MRTFB: variants seen among roughly 807,000 people sequenced by gnomAD.
MRTFB encodes myocardin-related transcription factor B.
A neutral mutation model predicts 104.2 loss-of-function variants in MRTFB; 29 were observed. The ratio of observed to expected loss-of-function variants is 0.28; its 90% CI spans 0.21 to 0.38. MRTFB has a LOEUF of 0.38. MRTFB is among the 10% of genes least tolerant of loss of function. MRTFB has a pLI of 1.00. For synonymous variants in MRTFB, 535 were observed against 519.5 expected (o/e 1.03, Z -0.41); for missense variants, 1,270 against 1,341.6 (o/e 0.95, Z 0.83).
At chr16:14,044,150 TC>T in the MRTFB span, among the ~76,000 whole-genome samples, 1 of 151,716 alleles carries the variant, frequency 6.6e-6, no homozygotes, top group African/African-American at 2.4e-5. Context: ...ATTCATTCAG[TC>T]AGTCAGTCAG....
At chr16:14,073,368 G>A (rs902724815) in intron 1 of MRTFB, among the ~76,000 whole-genome samples, 3 of 152,160 alleles carry the variant, frequency 2.0e-5, no homozygotes, top group Non-Finnish European at 2.9e-5. Flanking sequence ...TTCCTTGGGG[G>A]CAGTTCCAGC....
At chr16:14,041,375 A>T in the MRTFB span, among the ~76,000 whole-genome samples, 1 of 152,166 alleles carries the variant, frequency 6.6e-6, no homozygotes, top group African/African-American at 2.4e-5. Flanking sequence ...GGCAACCGCA[A>T]TTATTTCTGT....
chr16:14,234,347 G>C (rs1380224948), intron 9 of MRTFB, 64 bp downstream of exon 9: 13 of 1,525,564 alleles, frequency 8.5e-6, no homozygotes, highest in Non-Finnish European at 1.2e-5. Flanking sequence ...ATAACCCTGT[G>C]AATGGAAGAC....
chr16:14,042,589 G>A, the MRTFB span, among the ~76,000 whole-genome samples: 2 of 152,194 alleles, frequency 1.3e-5, no homozygotes, highest in African/African-American at 4.8e-5. Flanking sequence ...GGGCTCATCA[G>A]TGAATGAGCT....
chr16:14,057,159 G>T, the MRTFB span, among the ~76,000 whole-genome samples: 1 of 152,136 alleles, frequency 6.6e-6, no homozygotes, highest in African/African-American at 2.4e-5. Context: ...GGTGCAAGAG[G>T]GTCGGCCTGG....
intron 2 of MRTFB, among the ~76,000 whole-genome samples, chr16:14,083,366 G>T (rs997516614): frequency 6.6e-5 from 10 of 152,176 alleles, no homozygotes; most frequent in South Asian, 4.1e-4. Context: ...CTGAGGGTAT[G>T]AGAAGCCCAA....
At chr16:14,229,883 A>G (rs949149573) in intron 8 of MRTFB, among the ~76,000 whole-genome samples, 4 of 152,234 alleles carry the variant, frequency 2.6e-5, no homozygotes, top group Non-Finnish European at 5.9e-5. Flanking sequence ...GTCAGATCCA[A>G]TAAGACAAAG....
rs552834135 is a variant in MRTFB, at chr16:14,192,025, C to T, written c.155-18218C>T. ...TTGGAATGTCTTCTTTGTTTTCTGCCGACATTCTACTAATTAAAAGTGTTG... is the reference window on the plus strand; with the variant it reads ...TTGGAATGTCTTCTTTGTTTTCTGCTGACATTCTACTAATTAAAAGTGTTG... On this transcript the variant is annotated intron_variant, in intron 3 of 16. Transcript: ENST00000571589. The T allele has an allele frequency of 3.9e-5, 6 of 152,064 alleles. 1 individual carries two copies. Among genetic ancestry groups the T allele is most frequent in the African/African-American group, 7.2e-5 (3 of 41,442 alleles). The allele number at this position is 152,064 out of a possible 1,614,324, so 9.4% of individuals were successfully genotyped here.
the MRTFB span, among the ~76,000 whole-genome samples, chr16:14,003,315 C>A: frequency 1.9e-3 from 290 of 152,174 alleles, 2 homozygotes; most frequent in Non-Finnish European, 3.0e-3. Context: ...ATGGTCCTGT[C>A]ACTTCTCTAA....
At chr16:14,208,693 G>T (rs1413489621) in intron 3 of MRTFB, among the ~76,000 whole-genome samples, 1 of 152,188 alleles carries the variant, frequency 6.6e-6, no homozygotes, top group African/African-American at 2.4e-5. Flanking sequence ...AAAGTACGCA[G>T]GTCTTTGGGT....
intron 2 of MRTFB, among the ~76,000 whole-genome samples, chr16:14,096,062 T>TTATTTATTTATG (rs2035349188): frequency 6.6e-6 from 1 of 150,818 alleles, no homozygotes; most frequent in Non-Finnish European, 1.5e-5. Flanking sequence ...ATTTATTTAT[T>TTATTTATTTATG]TATTTATTTA....
At chr16:14,095,453 G>A (rs941887758) in intron 2 of MRTFB, among the ~76,000 whole-genome samples, 1 of 152,192 alleles carries the variant, frequency 6.6e-6, no homozygotes, top group African/African-American at 2.4e-5. Flanking sequence ...TTGTTCTGAG[G>A]ATGAATGAAG....
At chr16:14,092,038 A>AGTG in intron 2 of MRTFB, among the ~76,000 whole-genome samples, 1 of 147,734 alleles carries the variant, frequency 6.8e-6, no homozygotes, top group Non-Finnish European at 1.5e-5. Flanking sequence ...CTCCCAAGTT[A>AGTG]GTGGCTTTGG....
At chr16:14,036,193 TTA>T in the MRTFB span, among the ~76,000 whole-genome samples, 2 of 123,716 alleles carry the variant, frequency 1.6e-5, no homozygotes, top group Admixed American at 2.1e-4. Flanking sequence ...ATAAAATACA[TTA>T]TATATAATAT....
chr16:14,088,405 A>G (rs1382070198), intron 2 of MRTFB, among the ~76,000 whole-genome samples: 1 of 152,240 alleles, frequency 6.6e-6, no homozygotes, highest in Non-Finnish European at 1.5e-5. Flanking sequence ...CAAAACTGTG[A>G]CTTGAATACG....
intron 3 of MRTFB, among the ~76,000 whole-genome samples, chr16:14,168,917 T>C (rs1483419864): frequency 1.3e-5 from 2 of 152,250 alleles, no homozygotes; most frequent in Non-Finnish European, 1.5e-5. Flanking sequence ...TGATATCTCA[T>C]TGAAGTTTTG....
intron 2 of MRTFB, among the ~76,000 whole-genome samples, chr16:14,130,607 A>G (rs2037389753): frequency 6.6e-6 from 1 of 152,184 alleles, no homozygotes; most frequent in Non-Finnish European, 1.5e-5. Context: ...TGTACGTGAA[A>G]ATTCATTTTG....
At chr16:14,155,822 C>G (rs2038806201) in intron 3 of MRTFB, among the ~76,000 whole-genome samples, 1 of 152,170 alleles carries the variant, frequency 6.6e-6, no homozygotes, top group Non-Finnish European at 1.5e-5. Context: ...CTTGCCCAAA[C>G]TTGTGAGATT....
At chr16:14,194,859 A>T (rs2040360986) in intron 3 of MRTFB, among the ~76,000 whole-genome samples, 1 of 152,172 alleles carries the variant, frequency 6.6e-6, no homozygotes, top group African/African-American at 2.4e-5. Flanking sequence ...TATGAGGATT[A>T]GATGTGGTGA....
Sources: gnomAD v4.1 joint callset for allele counts (sites outside exome capture counted in the v4.1 genomes callset) on GRCh38, gnomAD v4.1.1 for gene constraint, MANE v1.5 for transcripts, NCBI Gene and HGNC (gene_info 2026-07-23, HGNC 2026-07-21) for gene names.